The following TSPAN1 variants were observed in gnomAD, a reference collection of about 807,000 sequenced individuals.
The protein encoded by TSPAN1 is tetraspanin-1.
TSPAN1 carries 23 observed loss-of-function variants against 26.9 expected under a neutral mutation model. That is an observed-to-expected ratio of 0.85 (90% confidence interval 0.62 to 1.21). The LOEUF (loss-of-function observed/expected upper bound fraction) is 1.21, where lower values mean the gene tolerates loss of function less well. Ranked by LOEUF, TSPAN1 falls within the 50% of genes most tolerant of loss-of-function variation. The pLI is 0.00. For synonymous variants in TSPAN1, 115 were observed against 114.8 expected, an observed-to-expected ratio of 1.00 and a Z score of -0.01; for missense variants, 283 against 298.4, an observed-to-expected ratio of 0.95 and a Z score of 0.38.
the TSPAN1 span, chr1:46,193,255 T>C: frequency 5.9e-5 from 96 of 1,613,850 alleles, no homozygotes; most frequent in Non-Finnish European, 9.3e-6. Flanking sequence ...AGCTTTAGGG[T>C]AGAAGGCAGA....
In TSPAN1 at chr1:46,185,115, G is replaced by A; in HGVS notation, c.594G>A (p.Glu198=). 1 of 1,614,240 alleles carries A rather than the reference G, an allele frequency of 6.2e-7. No homozygotes were observed. Among genetic ancestry groups the A allele is most frequent in the Non-Finnish European group, 8.5e-7 (1 of 1,180,042 alleles). ...TKQKAHDQKV[E]GCFNQLLYDI... ...AAAAGGCTCACGACCAAAAAGTAGA[G>A]GTGTGGGCTGGCATGAGTGGGTGGG... The change falls in exon 7 of 9, where the codon GAG becomes GAA. Residue 198 remains glutamate, a splice_region_variant and synonymous_variant. Transcript: ENST00000372003.
At chr1:46,193,341 A>G in the TSPAN1 span, 5 of 1,613,606 alleles carry the variant, frequency 3.1e-6, no homozygotes, top group East Asian at 6.7e-5. Context: ...TGATGGGAGT[A>G]TGCTGGATGC....
intron 1 of TSPAN1, among the ~76,000 whole-genome samples, chr1:46,178,840 T>A (rs955213594): frequency 3.3e-5 from 5 of 152,158 alleles, no homozygotes; most frequent in African/African-American, 1.2e-4. Context: ...TGCTTCTATT[T>A]CCCCATATTT....
At chr1:46,179,477 A>C (rs1047508371) in intron 1 of TSPAN1, among the ~76,000 whole-genome samples, 4 of 152,202 alleles carry the variant, frequency 2.6e-5, no homozygotes, top group African/African-American at 9.6e-5. Context: ...GTTACACAGA[A>C]GACCAGGAAA....
At chr1:46,193,278 C>T in the TSPAN1 span, 37 of 1,613,788 alleles carry the variant, frequency 2.3e-5, no homozygotes, top group South Asian at 3.8e-4. Context: ...CAGGTGTCTG[C>T]CCCATCCCCA....
chr1:46,183,967 T>C, intron 3 of TSPAN1: 1 of 588,146 alleles, frequency 1.7e-6, no homozygotes. Context: ...GAACCCCTGA[T>C]CTCCTTTATA....
chr1:46,178,413 T>TC (rs1208404216), intron 1 of TSPAN1, among the ~76,000 whole-genome samples: 1 of 149,544 alleles, frequency 6.7e-6, no homozygotes, highest in East Asian at 2.0e-4. Flanking sequence ...CTTCTTCCTT[T>TC]CCCCCTTACT....
chr1:46,189,377 A>T (rs200416465), downstream of TSPAN1: 96 of 1,613,906 alleles, frequency 5.9e-5, no homozygotes, highest in Non-Finnish European at 9.3e-6. Context: ...TAATACAAGA[A>T]TGTATAGAGA....
At position 46,185,597 on chromosome 1, in the gene TSPAN1, C is replaced by A. The variant is rs1347540895; in HGVS notation, c.*64C>A. On this transcript the variant is annotated 3_prime_UTR_variant, in exon 9 of 9. Coordinates refer to ENST00000372003, the MANE Select transcript of TSPAN1 (RefSeq NM_005727.4). ...AACTGTGAAGAGGCACCCTGGCAAG[C>A]AGCAGTGATTGGGGGAGGGGACAGG... 6.4e-7 allele frequency: 1 copy of A among 1,568,344 alleles called. No homozygotes were observed. Among genetic ancestry groups the A allele is most frequent in the Non-Finnish European group, 8.8e-7 (1 of 1,140,854 alleles).
downstream of TSPAN1, chr1:46,189,181 A>G: frequency 6.5e-7 from 1 of 1,535,044 alleles, no homozygotes; most frequent in Non-Finnish European, 8.7e-7. Flanking sequence ...AGCCCCTACC[A>G]GCATCTACAA....
At chr1:46,194,689 A>C in the TSPAN1 span, 1 of 1,614,126 alleles carries the variant, frequency 6.2e-7, no homozygotes, top group African/African-American at 1.3e-5. Flanking sequence ...GGGGGCCCAG[A>C]CACCAGTTTG....
chr1:46,196,140 G>A, the TSPAN1 span: 29 of 1,611,322 alleles, frequency 1.8e-5, no homozygotes, highest in Middle Eastern at 9.7e-4. This position sits in a 1 kb window ranked among gnomAD's most constrained non-coding sequence, Gnocchi z 4.4. Context: ...CTCTGTCTTA[G>A]GGGTACTTAA....
chr1:46,190,884 T>A (rs1234290378), downstream of TSPAN1: 27 of 1,148,614 alleles, frequency 2.4e-5, no homozygotes, highest in Non-Finnish European at 3.6e-5. Context: ...AATGAAGTCC[T>A]AGACCTGTAA....
At position 46,175,404 on chromosome 1, in the gene TSPAN1, T is replaced by C. The variant is rs896014862; in HGVS notation, c.-147T>C. 2.6e-5 allele frequency: 10 copies of C among 391,770 alleles called. No homozygotes were observed. Among genetic ancestry groups the C allele is most frequent in the Non-Finnish European group, 4.0e-5 (9 of 222,492 alleles). 24.3% of individuals were successfully genotyped at this position (391,770 alleles called of 1,614,324 possible). ...ATCCCTGCTGCGGTCACTGAAGCCT[T>C]TCCCTGTAAGTATTCAGCCATAACC... On this transcript the variant is annotated 5_prime_UTR_variant, in exon 1 of 9. Coordinates refer to ENST00000372003, the MANE Select transcript of TSPAN1 (RefSeq NM_005727.4).
At chr1:46,194,503 T>G in the TSPAN1 span, 1 of 1,614,094 alleles carries the variant, frequency 6.2e-7, no homozygotes. Flanking sequence ...GAGATCTAAA[T>G]GCCCACCCCC....
At chr1:46,182,773 C>T (rs956068650) in intron 3 of TSPAN1, among the ~76,000 whole-genome samples, 17 of 152,022 alleles carry the variant, frequency 1.1e-4, no homozygotes, top group East Asian at 3.9e-4. Flanking sequence ...GGGCTTCCTT[C>T]GGCTGCAGGG....
At chr1:46,192,318 G>A in the TSPAN1 span, 1 of 1,614,192 alleles carries the variant, frequency 6.2e-7, no homozygotes, top group Non-Finnish European at 8.5e-7. Flanking sequence ...CTTTTCCGGT[G>A]TAGGCCACTT....
At chr1:46,194,722 C>T in the TSPAN1 span, 2 of 1,614,126 alleles carry the variant, frequency 1.2e-6, no homozygotes, top group South Asian at 2.2e-5. Flanking sequence ...CATCTCCCTG[C>T]CTACTTTCAT....
chr1:46,184,508 T>A, intron 4 of TSPAN1, 86 bp from the exon 5 acceptor site: 1 of 1,602,140 alleles, frequency 6.2e-7, no homozygotes, highest in Non-Finnish European at 8.5e-7. Flanking sequence ...CAGGCTTCTG[T>A]CTCACTTTTC....
Sources: allele counts gnomAD v4.1 joint callset (sites outside exome capture counted in the v4.1 genomes callset), GRCh38; gene constraint gnomAD v4.1.1; non-coding constraint Gnocchi (gnomAD v3.1); transcripts MANE v1.5; gene names NCBI Gene and HGNC (gene_info 2026-07-23, HGNC 2026-07-21).